Variants in PLCG2 observed in about 807,000 individuals in gnomAD.
PLCG2 encodes 1-phosphatidylinositol 4,5-bisphosphate phosphodiesterase gamma-2.
PLCG2 carries 69 observed loss-of-function variants against 175.6 expected under a neutral mutation model. The observed-to-expected ratio is 0.39, with a 90% CI of 0.32 to 0.48. The LOEUF is 0.48. Ranked by LOEUF, PLCG2 falls within the 20% of genes least tolerant of loss-of-function variation. The pLI, the probability that PLCG2 is intolerant of heterozygous loss-of-function variation, is 0.91. For missense variants in PLCG2, 1,798 were observed against 1,650.9 expected, an observed-to-expected ratio of 1.09 and a Z score of -1.54; for synonymous variants, 827 against 624.0, an observed-to-expected ratio of 1.33 and a Z score of -4.85.
chr16:81,866,725 A>C (rs1042308197), intron 5 of PLCG2, among the ~76,000 whole-genome samples: 2 of 147,632 alleles, frequency 1.4e-5, no homozygotes, highest in Non-Finnish European at 3.0e-5. Context: ...GGGCACCAGC[A>C]TGAGAGGACA....
intron 7 of PLCG2, among the ~76,000 whole-genome samples, chr16:81,880,636 C>A (rs570672111): frequency 6.6e-6 from 1 of 152,200 alleles, no homozygotes. Context: ...AATGAATATC[C>A]CTAAAACAAA....
chr16:81,754,008 C>G (rs1909867286), intron 1 of PLCG2, among the ~76,000 whole-genome samples: 2 of 152,088 alleles, frequency 1.3e-5, no homozygotes, highest in African/African-American at 4.8e-5. Context: ...TCTTGCCTGG[C>G]CTGGCCGCCA....
chr16:81,948,971 A>G (rs1911262503), intron 31 of PLCG2, among the ~76,000 whole-genome samples: 1 of 152,226 alleles, frequency 6.6e-6, no homozygotes. Context: ...TTTCAAAGAC[A>G]TCCAAGGAGA....
intron 1 of PLCG2, among the ~76,000 whole-genome samples, chr16:81,785,253 C>A (rs1910917387): frequency 1.3e-5 from 2 of 151,990 alleles, no homozygotes. Context: ...TGGCCGTCAC[C>A]CCAGGTGCTT....
chr16:81,896,627 G>T (rs76862568), intron 13 of PLCG2, among the ~76,000 whole-genome samples: 1,808 of 152,168 alleles, frequency 0.012, 40 homozygotes, highest in African/African-American at 0.042. Flanking sequence ...GTGAGGCAAG[G>T]AAAGTAAAAT....
rs201659233 is a variant in PLCG2 at position 81,931,662 on chromosome 16, C to A, written c.2739+8C>A. The A allele has an allele frequency of 6.9e-5, 112 of 1,612,518 alleles. 1 individual carries two copies. In the African/African-American group the frequency reaches 1.1e-3, roughly 16 times the overall value. ...TGGAAGATTGACACCAAGGTAGGCA[C>A]CTGCTCACCCGGGTGCAGGTGGGCC... On this transcript the variant is annotated splice_region_variant and intron_variant, in intron 25 of 32. Coordinates refer to ENST00000564138, the MANE Select transcript of PLCG2 (RefSeq NM_002661.5).
Position 81,946,395 on chromosome 16 carries a change from T to C in PLCG2, c.3570+132T>C, listed in dbSNP as rs528994010. The stretch of plus-strand genomic sequence containing the variant: ...TGTCTAGCCCAAGCATGAGACATCA[T>C]ACAAGAATTCCTTTTTGCTAATTCC... On this transcript the variant is annotated intron_variant, in intron 31 of 32. Transcript: ENST00000564138. 66 of 673,338 alleles carry C rather than the reference T, an allele frequency of 9.8e-5. No individual in the cohort carries two copies. The South Asian group carries it at 9.9e-4, about 10-fold the overall frequency. 41.7% of individuals were successfully genotyped at this position (673,338 alleles called of 1,614,324 possible). A position where few individuals can be genotyped will look rare whatever the true frequency, so the allele number is the denominator to read the frequency against.
rs1281198328 is a variant in PLCG2, at chr16:81,770,733, T to C, written c.-48+14767T>C. On this transcript the variant is annotated intron_variant, in intron 2 of 5. Coordinates refer to the PLCG2 transcript ENST00000565054. ...AGACCCTGTATCAAAATAATAATAC[T>C]AACTTTCTGTTGAGGTATAACGTGC... 2.6e-5 allele frequency among the ~76,000 whole-genome samples: 4 copies of C among 152,060 alleles called. No homozygotes were observed. The South Asian group carries it at 6.2e-4, about 24-fold the overall frequency.
At chr16:81,857,114 A>T (rs1567501112) in intron 3 of PLCG2, among the ~76,000 whole-genome samples, 1 of 152,246 alleles carries the variant, frequency 6.6e-6, no homozygotes, top group Non-Finnish European at 1.5e-5. Flanking sequence ...GTCATTTGTT[A>T]TAGCAGCAGA....
At chr16:81,948,660 A>T (rs1911247078) in intron 31 of PLCG2, among the ~76,000 whole-genome samples, 1 of 152,184 alleles carries the variant, frequency 6.6e-6, no homozygotes, top group Non-Finnish European at 1.5e-5. Flanking sequence ...CTGGTTTTTG[A>T]GGTTGGGAAA....
intron 5 of PLCG2, 72 bp downstream of exon 5, chr16:81,859,235 G>T: frequency 1.0e-6 from 1 of 998,004 alleles, no homozygotes; most frequent in Non-Finnish European, 1.6e-6. Context: ...CCTTCCAAGG[G>T]GGTGGGAGCA....
chr16:81,875,771 G>C (rs1907751633), intron 7 of PLCG2, among the ~76,000 whole-genome samples: 1 of 152,164 alleles, frequency 6.6e-6, no homozygotes, highest in Admixed American at 6.5e-5. Context: ...AAATCAAAAA[G>C]AAAATTGAGA....
At chr16:81,851,281 A>G (rs770929759) in intron 2 of PLCG2, among the ~76,000 whole-genome samples, 1 of 152,208 alleles carries the variant, frequency 6.6e-6, no homozygotes, top group Non-Finnish European at 1.5e-5. Flanking sequence ...TCATAACCAT[A>G]GTTATCAAAA....
At chr16:81,849,529 C>T (rs962490107) in intron 2 of PLCG2, among the ~76,000 whole-genome samples, 2 of 152,146 alleles carry the variant, frequency 1.3e-5, no homozygotes, top group Non-Finnish European at 2.9e-5. Flanking sequence ...AAGGCCGAGA[C>T]AGGCGGATCA....
At chr16:81,743,461 C>T (rs1909639898) in intron 1 of PLCG2, among the ~76,000 whole-genome samples, 1 of 152,228 alleles carries the variant, frequency 6.6e-6, no homozygotes, top group South Asian at 2.1e-4. Flanking sequence ...GGTAGAGCGA[C>T]CTGCGTGGTC....
At chr16:81,908,727 C>T (rs986822502) in intron 17 of PLCG2, 136 bp downstream of exon 17, 3 of 723,474 alleles carry the variant, frequency 4.1e-6, no homozygotes, top group Non-Finnish European at 6.7e-6. Flanking sequence ...TCTAGCTCTT[C>T]TAGGCCGGGA....
chr16:81,751,143 G>A (rs1909805251), intron 1 of PLCG2, among the ~76,000 whole-genome samples: 1 of 151,544 alleles, frequency 6.6e-6, no homozygotes, highest in African/African-American at 2.4e-5. Flanking sequence ...ACCATGCCCA[G>A]CTAATTTTAG....
At chr16:81,921,366 G>T (rs747934693) in intron 21 of PLCG2, 97 bp downstream of exon 21, 1 of 849,840 alleles carries the variant, frequency 1.2e-6, no homozygotes, top group Non-Finnish European at 2.0e-6. Context: ...GGCAAGGGAA[G>T]ACTTTGGAAA....
At position 81,914,851 on chromosome 16, in the gene PLCG2, G is replaced by A. The variant is rs148946421; in HGVS notation, c.2054+2135G>A. The stretch of plus-strand genomic sequence containing the variant: ...TGGCCGCTCCCCACCTCACCCCATG[G>A]CCCACTGTCAGGGAAGCTCAGTCCA... On this transcript the variant is annotated intron_variant, in intron 19 of 32. Transcript: ENST00000564138. Among the ~76,000 whole-genome samples the A allele has an allele frequency of 3.9e-3, 596 of 152,312 alleles. 2 individuals are homozygous for A. The highest frequency in any genetic ancestry group is 5.6e-3 in the Non-Finnish European group (382 of 68,022).
Sources: gnomAD v4.1 joint callset for allele counts (sites outside exome capture counted in the v4.1 genomes callset) on GRCh38, gnomAD v4.1.1 for gene constraint, MANE v1.5 for transcripts, NCBI Gene and HGNC (gene_info 2026-07-23, HGNC 2026-07-21) for gene names.